The following SOS2 variants were observed in gnomAD, a reference collection of about 807,000 sequenced individuals.
The protein encoded by SOS2 is son of sevenless homolog 2.
SOS2 carries 65 observed loss-of-function variants against 148.2 expected under a neutral mutation model. The observed-to-expected ratio is 0.44, with a 90% confidence interval of 0.36 to 0.54. The LOEUF (loss-of-function observed/expected upper bound fraction) is 0.54, where lower values mean the gene tolerates loss of function less well. Ranked by LOEUF, SOS2 falls within the 20% of genes least tolerant of loss-of-function variation. The pLI is 0.00. For synonymous variants in SOS2, 539 were observed against 537.1 expected, an observed-to-expected ratio of 1.00 and a Z score of -0.05; for missense variants, 1,341 against 1,590.2, an observed-to-expected ratio of 0.84 and a Z score of 2.67.
intron 2 of SOS2, among the ~76,000 whole-genome samples, chr14:50,203,418 T>C (rs1886561696): frequency 6.6e-6 from 1 of 152,010 alleles, no homozygotes; most frequent in South Asian, 2.1e-4. Context: ...TAGACATTTG[T>C]TTTTAGCAGG....
chr14:50,141,937 CAG>C (rs1248742406), intron 16 of SOS2, among the ~76,000 whole-genome samples: 1 of 151,648 alleles, frequency 6.6e-6, no homozygotes, highest in Middle Eastern at 3.2e-3. Context: ...AGGAACAGAA[CAG>C]AGAGACCAAC....
chr14:50,178,232 T>A (rs1490996030), intron 7 of SOS2, among the ~76,000 whole-genome samples: 1 of 152,126 alleles, frequency 6.6e-6, no homozygotes, highest in Non-Finnish European at 1.5e-5. Context: ...ATTTCTTCCT[T>A]TAATGCTGTT....
intron 4 of SOS2, among the ~76,000 whole-genome samples, chr14:50,191,916 G>A (rs1303592292): frequency 6.6e-6 from 1 of 151,992 alleles, no homozygotes; most frequent in African/African-American, 2.4e-5. Flanking sequence ...TCACCAGTCT[G>A]AAACTGGGAG....
At position 50,130,589 on chromosome 14, in the gene SOS2, T is replaced by C. The variant is rs1387802801; in HGVS notation, c.3249A>G (p.Pro1083=). ...ETELESTVSA[P]TSPNTPSTPP... ...GAGTAGATGGTGTATTTGGAGAGGT[T>C]GGTGCTGACACTGTTGATTCCAGCT... Residue 1083 remains proline (P), a synonymous_variant, in exon 20 of 23, where the codon CCA becomes CCG. Coordinates refer to ENST00000216373, the MANE Select transcript of SOS2 (RefSeq NM_006939.4). 1 of 1,614,088 alleles carries C rather than the reference T, an allele frequency of 6.2e-7. No homozygotes were observed. The highest frequency in any genetic ancestry group is 1.7e-5 in the Admixed American group (1 of 60,020).
At chr14:50,214,755 G>A (rs550626267) in intron 1 of SOS2, among the ~76,000 whole-genome samples, 1 of 145,368 alleles carries the variant, frequency 6.9e-6, no homozygotes, top group Admixed American at 7.0e-5. Context: ...TAAATTGCTC[G>A]AGCTGGTCAC....
At chr14:50,150,326 T>A in intron 13 of SOS2, 96 bp from the exon 14 acceptor site, 1 of 842,834 alleles carries the variant, frequency 1.2e-6, no homozygotes, top group Non-Finnish European at 1.9e-6. Flanking sequence ...CCTCAACAGT[T>A]ACCAACTCAT....
At chr14:50,132,857 A>C (rs1883927583) in intron 19 of SOS2, among the ~76,000 whole-genome samples, 1 of 152,156 alleles carries the variant, frequency 6.6e-6, no homozygotes, top group Admixed American at 6.6e-5. Flanking sequence ...CTTCTCCACC[A>C]CAACAATGCT....
intron 11 of SOS2, among the ~76,000 whole-genome samples, chr14:50,157,978 G>A (rs901024627): frequency 9.2e-5 from 14 of 152,070 alleles, no homozygotes; most frequent in African/African-American, 9.6e-5. Context: ...AAATGATCCC[G>A]TATTTTCTAG....
chr14:50,165,644 G>A (rs1157164854), intron 8 of SOS2, among the ~76,000 whole-genome samples: 5 of 152,108 alleles, frequency 3.3e-5, no homozygotes, highest in Non-Finnish European at 7.3e-5. Context: ...ACATCTTAAT[G>A]CCTAGGGACA....
chr14:50,118,812 C>A lies in SOS2; in HGVS notation c.3531G>T (p.Pro1177=). The change falls in exon 23 of 23, where the codon CCG becomes CCT. Residue 1177 remains proline (P), a synonymous_variant. Coordinates refer to ENST00000216373, the MANE Select transcript of SOS2 (RefSeq NM_006939.4). ...KSDDDPPAIP[P]RQPPPPKVKP... The stretch of plus-strand genomic sequence containing the variant: ...TTACCTTTGGAGGAGGAGGCTGTCT[C>A]GGTGGAATAGCAGGAGGATCATCAT... 2 of 1,493,422 alleles carry A rather than the reference C, an allele frequency of 1.3e-6. No individual in the cohort carries two copies. Among genetic ancestry groups the A allele is most frequent in the Non-Finnish European group, 1.8e-6 (2 of 1,114,160 alleles). The allele number at this position is 1,493,422 out of a possible 1,614,324, so 92.5% of individuals were successfully genotyped here. A position where few individuals can be genotyped will look rare whatever the true frequency, so the allele number is the denominator to read the frequency against.
chr14:50,174,375 T>C (rs1050746547), intron 8 of SOS2, 79 bp downstream of exon 8: 1 of 595,922 alleles, frequency 1.7e-6, no homozygotes. Flanking sequence ...AGACTGGTAC[T>C]GTGTGTCTCC....
At chr14:50,154,572 A>C (rs1048814192) in intron 12 of SOS2, among the ~76,000 whole-genome samples, 1 of 152,232 alleles carries the variant, frequency 6.6e-6, no homozygotes, top group African/African-American at 2.4e-5. Flanking sequence ...AACGAGAAAA[A>C]GCCCATGTAT....
rs558670457 is a variant in SOS2, at chr14:50,190,133, G to A, written c.511-1433C>T. ...CTCCCAAAGTGCTGGGATTACAGGT[G>A]TGAGCCACTGCGCCTGGCTGTGACC... On this transcript the variant is annotated intron_variant, in intron 4 of 22. Transcript: ENST00000216373. Among the ~76,000 whole-genome samples, 16 of 152,112 alleles carry A rather than the reference G, an allele frequency of 1.1e-4. No individual in the cohort carries two copies. In the South Asian group the frequency reaches 3.1e-3, roughly 30 times the overall value.
intron 21 of SOS2, among the ~76,000 whole-genome samples, chr14:50,123,380 C>CTTTT (rs34222143): frequency 1.2e-4 from 14 of 118,466 alleles, no homozygotes; most frequent in Non-Finnish European, 1.2e-4. Context: ...CACCAGAGGG[C>CTTTT]TTTTTTTTTT....
chr14:50,144,586 C>T (rs992227702), intron 16 of SOS2, among the ~76,000 whole-genome samples: 2 of 151,714 alleles, frequency 1.3e-5, no homozygotes, highest in Non-Finnish European at 1.5e-5. Context: ...AACAGGCGTG[C>T]GCCACCATGC....
chr14:50,227,243 CTTTCT>C (rs1378712281), intron 1 of SOS2, among the ~76,000 whole-genome samples: 3 of 112,650 alleles, frequency 2.7e-5, no homozygotes, highest in African/African-American at 3.5e-5. Context: ...TTCTTTCTTT[CTTTCT>C]TTTTTTTTTT....
Position 50,187,345 on chromosome 14 carries a change from C to CTT in SOS2, c.714+1150_714+1151dup, listed in dbSNP as rs5808541. 9.0e-3 allele frequency among the ~76,000 whole-genome samples: 1,038 copies of CTT among 115,128 alleles called. 25 individuals are homozygous for CTT. Among genetic ancestry groups the CTT allele is most frequent in the Middle Eastern group, 0.032 (5 of 154 alleles). 75.5% of individuals were successfully genotyped at this position (115,128 alleles called of 152,430 possible). Reference sequence around the variant, plus strand: ...ATTATTATTATTATTATTATTGTTACTTTTTTTTTTTTTTTTTTTTGAGAA... The same window carrying CTT: ...ATTATTATTATTATTATTATTGTTACTTTTTTTTTTTTTTTTTTTTTTGAGAA... On this transcript the variant is annotated intron_variant, in intron 5 of 22. Coordinates refer to ENST00000216373, the MANE Select transcript of SOS2 (RefSeq NM_006939.4).
intron 5 of SOS2, among the ~76,000 whole-genome samples, chr14:50,184,165 T>C (rs909143507): frequency 3.3e-5 from 5 of 152,330 alleles, no homozygotes; most frequent in Admixed American, 2.6e-4. Context: ...TAAAACATCA[T>C]ATGTGGCAGA....
At chr14:50,197,880 G>A (rs989575636) in intron 4 of SOS2, among the ~76,000 whole-genome samples, 3 of 151,612 alleles carry the variant, frequency 2.0e-5, no homozygotes, top group African/African-American at 7.3e-5. Context: ...TAGTAGAGAC[G>A]GGGTTTTGCC....
Sources: allele counts gnomAD v4.1 joint callset (sites outside exome capture counted in the v4.1 genomes callset), GRCh38; gene constraint gnomAD v4.1.1; transcripts MANE v1.5; gene names NCBI Gene and HGNC (gene_info 2026-07-23, HGNC 2026-07-21).